PTPRT: variants seen among roughly 807,000 people sequenced by gnomAD.
The protein encoded by PTPRT is protein tyrosine phosphatase receptor type T.
Under a neutral mutation model 176.8 loss-of-function variants are expected in PTPRT, and 56 were observed. That is an observed-to-expected ratio of 0.32 (90% confidence interval 0.26 to 0.40). The LOEUF is 0.40. PTPRT is among the 10% of genes least tolerant of loss of function. PTPRT has a pLI of 1.00. For missense variants in PTPRT, 1,540 were observed against 1,908.2 expected (o/e 0.81, Z 3.60); for synonymous variants, 783 against 739.0 (o/e 1.06, Z -0.96).
At chr20:42,380,033 G>A (rs994333217) in intron 9 of PTPRT, among the ~76,000 whole-genome samples, 3 of 152,184 alleles carry the variant, frequency 2.0e-5, no homozygotes, top group Non-Finnish European at 4.4e-5. Flanking sequence ...GCTCCCATGA[G>A]TTCGATAGTC....
intron 7 of PTPRT, among the ~76,000 whole-genome samples, chr20:42,537,607 T>G (rs1011082662): frequency 6.6e-6 from 1 of 152,202 alleles, no homozygotes; most frequent in Non-Finnish European, 1.5e-5. Context: ...GAAAACCAGC[T>G]GTTTGCCTCC....
At chr20:42,787,860 A>G (rs1041025044) in intron 3 of PTPRT, among the ~76,000 whole-genome samples, 1 of 152,178 alleles carries the variant, frequency 6.6e-6, no homozygotes, top group Non-Finnish European at 1.5e-5. Context: ...CTGTAGAAAT[A>G]TTACATTTGA....
chr20:42,526,789 G>C (rs567801570), intron 7 of PTPRT, among the ~76,000 whole-genome samples: 7 of 151,954 alleles, frequency 4.6e-5, no homozygotes, highest in African/African-American at 1.7e-4. Context: ...GTGGAGCAGG[G>C]CCAAGTTCTA....
At chr20:42,260,084 A>T (rs998273283) in intron 13 of PTPRT, among the ~76,000 whole-genome samples, 1 of 152,222 alleles carries the variant, frequency 6.6e-6, no homozygotes, top group Non-Finnish European at 1.5e-5. Flanking sequence ...AGGAAAGTGC[A>T]AACTAAAAAT....
In PTPRT at chr20:42,178,269, T is replaced by C. The variant is rs559325845; in HGVS notation, c.2492-16727A>G. On this transcript the variant is annotated intron_variant, in intron 16 of 30. Coordinates refer to ENST00000373187, the MANE Select transcript of PTPRT (RefSeq NM_007050.6). Reference sequence around the variant, plus strand: ...TGTTTTTCAAGCCTGCTTGCCAGCCTCTGAAGAATCCTAGTGATTCTCATA... The same window carrying C: ...TGTTTTTCAAGCCTGCTTGCCAGCCCCTGAAGAATCCTAGTGATTCTCATA... 5.9e-5 allele frequency among the ~76,000 whole-genome samples: 9 copies of C among 152,268 alleles called. No individual in the cohort carries two copies. In the South Asian group the frequency reaches 1.2e-3, roughly 21 times the overall value.
chr20:42,924,416 C>T (rs191858399), intron 1 of PTPRT, among the ~76,000 whole-genome samples: 2 of 152,136 alleles, frequency 1.3e-5, no homozygotes, highest in East Asian at 1.9e-4. Context: ...GCATCTGAGG[C>T]CAGCATTCAC....
At chr20:42,514,429 G>A (rs1263918382) in intron 7 of PTPRT, among the ~76,000 whole-genome samples, 2 of 149,060 alleles carry the variant, frequency 1.3e-5, no homozygotes, top group Non-Finnish European at 3.0e-5. Context: ...CTTTGTTCAC[G>A]CTTTTCTTTT....
chr20:43,002,959 T>G (rs1277580053), intron 1 of PTPRT, among the ~76,000 whole-genome samples: 1 of 149,548 alleles, frequency 6.7e-6, no homozygotes, highest in African/African-American at 2.5e-5. Flanking sequence ...TATTAATAGA[T>G]AAAACATGAA....
intron 1 of PTPRT, among the ~76,000 whole-genome samples, chr20:43,110,399 A>T (rs2071966952): frequency 6.6e-6 from 1 of 152,210 alleles, no homozygotes; most frequent in South Asian, 2.1e-4. Context: ...GGTAGAGACA[A>T]ATTAACCATA....
intron 24 of PTPRT, among the ~76,000 whole-genome samples, chr20:42,105,311 G>A (rs1422995632): frequency 1.3e-5 from 2 of 152,160 alleles, no homozygotes; most frequent in Non-Finnish European, 2.9e-5. Flanking sequence ...ACCAGCCACT[G>A]TGTCTTGGGA....
At chr20:42,736,612 G>A (rs1039772388) in intron 6 of PTPRT, among the ~76,000 whole-genome samples, 2 of 152,192 alleles carry the variant, frequency 1.3e-5, no homozygotes, top group Non-Finnish European at 2.9e-5. Flanking sequence ...CAAGGGTGGT[G>A]GCATTGGGGA....
chr20:42,861,160 A>G (rs1028311989), intron 2 of PTPRT, among the ~76,000 whole-genome samples: 1 of 152,212 alleles, frequency 6.6e-6, no homozygotes, highest in Non-Finnish European at 1.5e-5. Context: ...TAGCCTGTCA[A>G]GCAATCCCTT....
chr20:42,854,986 T>C (rs1429893230), intron 2 of PTPRT, among the ~76,000 whole-genome samples: 1 of 152,194 alleles, frequency 6.6e-6, no homozygotes. Flanking sequence ...CAACTTTACA[T>C]GAACATTTGG....
chr20:42,099,099 G>A (rs548919508), intron 26 of PTPRT, among the ~76,000 whole-genome samples: 22 of 152,344 alleles, frequency 1.4e-4, no homozygotes, highest in South Asian at 4.1e-4. Context: ...TTAATAGTCC[G>A]GTAGACCTGG....
At chr20:42,690,277 A>G (rs78025667) in intron 6 of PTPRT, among the ~76,000 whole-genome samples, 3,397 of 152,146 alleles carry the variant, frequency 0.022, 125 homozygotes, top group African/African-American at 0.078. Flanking sequence ...TAGGCACAAG[A>G]GTTTTAGGGA....
intron 19 of PTPRT, among the ~76,000 whole-genome samples, chr20:42,121,052 G>A (rs192916299): frequency 4.6e-5 from 7 of 152,248 alleles, no homozygotes; most frequent in East Asian, 3.9e-4. Context: ...GAACTGCCTC[G>A]AGGCCACTTT....
chr20:42,754,905 T>G (rs1422121825), intron 6 of PTPRT, among the ~76,000 whole-genome samples: 1 of 152,170 alleles, frequency 6.6e-6, no homozygotes. Flanking sequence ...TTTAGCAAAC[T>G]GAGAACCAGT....
At chr20:43,108,508 T>C (rs1600719003) in intron 1 of PTPRT, among the ~76,000 whole-genome samples, 1 of 152,150 alleles carries the variant, frequency 6.6e-6, no homozygotes, top group East Asian at 1.9e-4. Context: ...TAAGTCATTA[T>C]GTTTTGGGCG....
At chr20:42,695,939 G>A (rs2075866876) in intron 6 of PTPRT, among the ~76,000 whole-genome samples, 1 of 152,156 alleles carries the variant, frequency 6.6e-6, no homozygotes, top group African/African-American at 2.4e-5. Flanking sequence ...ATGACCCTCA[G>A]TGACTCCCTC....
Sources: allele counts gnomAD v4.1 joint callset (sites outside exome capture counted in the v4.1 genomes callset), GRCh38; gene constraint gnomAD v4.1.1; transcripts MANE v1.5; gene names NCBI Gene and HGNC (gene_info 2026-07-23, HGNC 2026-07-21).